CA10: variants seen among roughly 807,000 people sequenced by gnomAD.
The protein encoded by CA10 is carbonic anhydrase 10 (inactive).
CA10 carries 14 observed loss-of-function variants against 44.2 expected under a neutral mutation model. The ratio of observed to expected loss-of-function variants is 0.32; its 90% CI spans 0.21 to 0.50. The LOEUF (loss-of-function observed/expected upper bound fraction) is 0.50, where lower values mean the gene tolerates loss of function less well. Ranked by LOEUF, CA10 falls within the 20% of genes least tolerant of loss-of-function variation. The pLI is 0.99. For missense variants in CA10, 350 were observed against 409.7 expected (o/e 0.85, Z 1.26); for synonymous variants, 159 against 141.6 (o/e 1.12, Z -0.87).
At chr17:52,032,541 C>T (rs552894251) in intron 2 of CA10, among the ~76,000 whole-genome samples, 4 of 152,176 alleles carry the variant, frequency 2.6e-5, no homozygotes, top group Non-Finnish European at 4.4e-5. Context: ...TCCTCTTGGC[C>T]GGTTGCTCAT....
chr17:52,078,573 G>T (rs1987879415), intron 1 of CA10, among the ~76,000 whole-genome samples: 1 of 152,220 alleles, frequency 6.6e-6, no homozygotes, highest in Non-Finnish European at 1.5e-5. Context: ...TCCACTGGAG[G>T]AGGTAATTCA....
At position 52,021,554 on chromosome 17, in the gene CA10, T is replaced by C. The variant is rs73360783; in HGVS notation, c.136+50765A>G. Among the ~76,000 whole-genome samples, 835 of 152,204 alleles carry C rather than the reference T, an allele frequency of 5.5e-3. 9 individuals carry two copies. The highest frequency in any genetic ancestry group is 0.019 in the African/African-American group (803 of 41,576). ...TGATTTGCATTTCTCTGATAATTAG[T>C]AATGTTGTATGTCTTCTTTTCAGAA... On this transcript the variant is annotated intron_variant, in intron 2 of 8. Transcript: ENST00000451037.
intron 1 of CA10, among the ~76,000 whole-genome samples, chr17:52,089,304 A>C (rs1234786274): frequency 6.6e-6 from 1 of 152,234 alleles, no homozygotes; most frequent in Non-Finnish European, 1.5e-5. Flanking sequence ...ACAATGTGTG[A>C]AAGTGTCACC....
intron 2 of CA10, among the ~76,000 whole-genome samples, chr17:51,956,622 A>T (rs182335657): frequency 8.1e-4 from 123 of 152,312 alleles, no homozygotes; most frequent in African/African-American, 2.9e-3. Flanking sequence ...AAAAACAGGA[A>T]GTGGATCTGG....
intron 2 of CA10, among the ~76,000 whole-genome samples, chr17:51,983,362 T>C (rs771840916): frequency 1.3e-5 from 2 of 151,852 alleles, no homozygotes; most frequent in Non-Finnish European, 2.9e-5. Context: ...ACAATCTCTC[T>C]CACATAAGGC....
intron 2 of CA10, among the ~76,000 whole-genome samples, chr17:51,952,772 A>G (rs563748839): frequency 6.6e-6 from 1 of 152,146 alleles, no homozygotes. Context: ...ACGAGGCACA[A>G]GGCTCTGCTC....
At chr17:51,878,867 TATATATATATATATA>T (rs1980218515) in intron 3 of CA10, among the ~76,000 whole-genome samples, 1 of 27,068 alleles carries the variant, frequency 3.7e-5, no homozygotes, top group African/African-American at 1.7e-4. Context: ...TATATATATA[TATATATATATATATA>T]TATATATATG....
intron 4 of CA10, among the ~76,000 whole-genome samples, chr17:51,679,452 G>C (rs186876414): frequency 6.6e-6 from 1 of 151,830 alleles, no homozygotes; most frequent in Admixed American, 6.6e-5. Flanking sequence ...TAGTAGAGAT[G>C]GGGTTTCACC....
intron 4 of CA10, among the ~76,000 whole-genome samples, chr17:51,685,440 G>A (rs1013003653): frequency 1.3e-5 from 2 of 152,088 alleles, no homozygotes; most frequent in Non-Finnish European, 2.9e-5. Context: ...CTGCAAAGCT[G>A]CCAGGTACAA....
intron 8 of CA10, among the ~76,000 whole-genome samples, chr17:51,632,739 C>CCCATCCTTCCTCCATCTTT (rs1202003452): frequency 6.6e-6 from 1 of 152,270 alleles, no homozygotes; most frequent in East Asian, 1.9e-4. Context: ...TCTCCAAGAC[C>CCCATCCTTCCTCCATCTTT]CCATCCTTCC....
intron 3 of CA10, among the ~76,000 whole-genome samples, chr17:51,883,935 A>T (rs1337776299): frequency 1.3e-5 from 2 of 152,108 alleles, no homozygotes; most frequent in Non-Finnish European, 2.9e-5. Flanking sequence ...GGCTCATCTC[A>T]TGGTATTCTC....
intron 3 of CA10, among the ~76,000 whole-genome samples, chr17:51,880,618 G>A (rs2143885180): frequency 6.6e-6 from 1 of 152,134 alleles, no homozygotes; most frequent in Non-Finnish European, 1.5e-5. Context: ...TGTCTTTTCC[G>A]TGGCAATTAT....
chr17:51,666,203 A>G (rs1055177034), intron 4 of CA10, among the ~76,000 whole-genome samples: 1 of 152,252 alleles, frequency 6.6e-6, no homozygotes, highest in African/African-American at 2.4e-5. Flanking sequence ...CCTTAGAGGC[A>G]GTAGGAGGCA....
intron 6 of CA10, among the ~76,000 whole-genome samples, chr17:51,643,598 TAG>T (rs545879587): frequency 1.6e-4 from 24 of 152,300 alleles, no homozygotes; most frequent in Non-Finnish European, 3.2e-4. Context: ...AGTAAAGTAG[TAG>T]AATCTCATTA....
chr17:52,033,111 T>C (rs1244540265), intron 2 of CA10, among the ~76,000 whole-genome samples: 2 of 152,072 alleles, frequency 1.3e-5, no homozygotes, highest in Non-Finnish European at 2.9e-5. Flanking sequence ...TTGCGTTGGG[T>C]CATGAAGGAA....
intron 4 of CA10, among the ~76,000 whole-genome samples, chr17:51,745,511 A>C (rs17625511): frequency 0.028 from 4,317 of 152,256 alleles, 78 homozygotes; most frequent in Non-Finnish European, 0.039. Flanking sequence ...GGAACTTTTA[A>C]AATGCAAATT....
At chr17:52,120,460 ATCCTTATCCTTATCC>A (rs1988991564) in intron 1 of CA10, among the ~76,000 whole-genome samples, 1 of 151,706 alleles carries the variant, frequency 6.6e-6, no homozygotes, top group Non-Finnish European at 1.5e-5. Flanking sequence ...CCTTATCCTT[ATCCTTATCCTTATCC>A]TTATCTTTAA....
At chr17:52,154,898 G>A (rs1445172687) in intron 1 of CA10, among the ~76,000 whole-genome samples, 3 of 152,142 alleles carry the variant, frequency 2.0e-5, no homozygotes, top group African/African-American at 4.8e-5. Context: ...GCCAAGCCCA[G>A]GTGTCTGTAC....
chr17:51,767,726 CT>C (rs1034126674), intron 3 of CA10, among the ~76,000 whole-genome samples: 109 of 142,770 alleles, frequency 7.6e-4, no homozygotes, highest in Admixed American at 1.1e-3. Flanking sequence ...GAGCCCCGAG[CT>C]TTTTTTTTTT....
Sources: gnomAD v4.1 joint callset for allele counts (sites outside exome capture counted in the v4.1 genomes callset) on GRCh38, gnomAD v4.1.1 for gene constraint, MANE v1.5 for transcripts, NCBI Gene and HGNC (gene_info 2026-07-23, HGNC 2026-07-21) for gene names.